Variants in CCDC192 observed in about 807,000 individuals in gnomAD.
CCDC192 encodes the protein coiled-coil domain-containing protein 192.
At chr5:127,794,688 C>A (rs1757063399) in intron 3 of CCDC192, among the ~76,000 whole-genome samples, 1 of 152,006 alleles carries the variant, frequency 6.6e-6, no homozygotes, top group African/African-American at 2.4e-5. Flanking sequence ...CAACTTATTT[C>A]TTTAACAAAT....
chr5:127,938,435 T>C (rs1484044194), intron 6 of CCDC192, among the ~76,000 whole-genome samples: 1 of 152,154 alleles, frequency 6.6e-6, no homozygotes, highest in Non-Finnish European at 1.5e-5. Context: ...CTGTGCAGGT[T>C]AACTAGAGCC....
At chr5:127,703,592 C>T (rs1340395369) in intron 1 of CCDC192, 85 bp downstream of exon 1, 3 of 393,100 alleles carry the variant, frequency 7.6e-6, no homozygotes, top group Non-Finnish European at 1.3e-5. Flanking sequence ...AAAAAAAAAT[C>T]TTTCTTTAAA....
chr5:127,939,493 A>T (rs1394493606), intron 6 of CCDC192, among the ~76,000 whole-genome samples: 1 of 152,122 alleles, frequency 6.6e-6, no homozygotes, highest in South Asian at 2.1e-4. Flanking sequence ...TTCCCCATGG[A>T]TTCTTAAATG....
intron 3 of CCDC192, among the ~76,000 whole-genome samples, chr5:127,792,441 G>T (rs941128325): frequency 1.8e-4 from 27 of 151,962 alleles, no homozygotes; most frequent in Middle Eastern, 6.8e-3. Context: ...CTCCCACAGG[G>T]TGCCTCCAAT....
chr5:127,752,253 T>C (rs528858258), intron 2 of CCDC192, among the ~76,000 whole-genome samples: 3 of 152,286 alleles, frequency 2.0e-5, no homozygotes, highest in Admixed American at 6.5e-5. Flanking sequence ...TTTATCTACT[T>C]TTGGTCTTTG....
chr5:127,791,089 C>A (rs928357688), intron 3 of CCDC192, among the ~76,000 whole-genome samples: 1 of 152,156 alleles, frequency 6.6e-6, no homozygotes, highest in Non-Finnish European at 1.5e-5. Context: ...AGGACTCTGT[C>A]CCCTCCACCT....
At chr5:127,721,340 C>T (rs544375844) in intron 2 of CCDC192, among the ~76,000 whole-genome samples, 34 of 152,180 alleles carry the variant, frequency 2.2e-4, no homozygotes, top group Non-Finnish European at 4.3e-4. Flanking sequence ...TCTACATATT[C>T]CCAGAGCAGA....
At chr5:127,812,357 C>A (rs1285282352) in intron 5 of CCDC192, among the ~76,000 whole-genome samples, 5 of 152,112 alleles carry the variant, frequency 3.3e-5, no homozygotes, top group Non-Finnish European at 7.3e-5. Context: ...GAACCTACCT[C>A]AACAGGATTA....
At chr5:127,909,903 C>T (rs17839667) in intron 6 of CCDC192, among the ~76,000 whole-genome samples, 31,663 of 152,032 alleles carry the variant, frequency 0.21, 3,450 homozygotes, top group East Asian at 0.32. Flanking sequence ...CTTTTATTGC[C>T]TCTTCTATGA....
chr5:127,752,272 G>C (rs559561191), intron 2 of CCDC192, among the ~76,000 whole-genome samples: 1 of 152,188 alleles, frequency 6.6e-6, no homozygotes, highest in African/African-American at 2.4e-5. Flanking sequence ...TGATGATGGT[G>C]ATGTTCAGAT....
Position 127,801,946 on chromosome 5 carries a change from G to A in CCDC192, c.411+3784G>A, listed in dbSNP as rs114598597. Among the ~76,000 whole-genome samples the A allele has an allele frequency of 9.2e-3, 1,408 of 152,272 alleles. 13 individuals carry two copies. The highest frequency in any genetic ancestry group is 0.02 in the Middle Eastern group (6 of 294). On this transcript the variant is annotated intron_variant, in intron 5 of 6. Coordinates refer to ENST00000514853, the MANE Select transcript of CCDC192 (RefSeq NM_001317938.2). ...TAGGTGTTTGCCTTATTTGGGTGTG[G>A]TTGGATCAGTTGGGTGCCTGTGATT... is the stretch of plus-strand genomic sequence containing the variant.
chr5:127,921,848 T>A (rs1753731359), intron 6 of CCDC192, among the ~76,000 whole-genome samples: 1 of 152,170 alleles, frequency 6.6e-6, no homozygotes, highest in Admixed American at 6.5e-5. Flanking sequence ...AGAGTATATC[T>A]TAGAATATAT....
chr5:127,853,204 AC>A (rs1309342771), intron 5 of CCDC192, among the ~76,000 whole-genome samples: 1 of 152,218 alleles, frequency 6.6e-6, no homozygotes, highest in Non-Finnish European at 1.5e-5. Context: ...AGTTTCAGCA[AC>A]TGGACTACCA....
chr5:127,857,069 G>A (rs11952937), intron 5 of CCDC192, among the ~76,000 whole-genome samples: 252 of 152,232 alleles, frequency 1.7e-3, no homozygotes, highest in African/African-American at 5.5e-3. Context: ...ATAAAGTAAA[G>A]CATAATAAAA....
chr5:127,929,865 C>T (rs1029947401), intron 6 of CCDC192, among the ~76,000 whole-genome samples: 10 of 152,162 alleles, frequency 6.6e-5, no homozygotes, highest in Admixed American at 6.5e-5. Context: ...GGAAGAAAAA[C>T]TTGAAAAAGT....
At chr5:127,777,923 G>T (rs189090623) in intron 3 of CCDC192, among the ~76,000 whole-genome samples, 421 of 150,682 alleles carry the variant, frequency 2.8e-3, no homozygotes, top group African/African-American at 0.01. Context: ...AAATTATCCA[G>T]TCTCAGGTAT....
At chr5:127,850,665 G>T (rs1047762447) in intron 5 of CCDC192, among the ~76,000 whole-genome samples, 1 of 152,022 alleles carries the variant, frequency 6.6e-6, no homozygotes, top group Non-Finnish European at 1.5e-5. Context: ...AGCAAATTTC[G>T]GTTTCCAAAG....
chr5:127,779,477 A>G (rs998203207), intron 3 of CCDC192, among the ~76,000 whole-genome samples: 4 of 150,442 alleles, frequency 2.7e-5, no homozygotes, highest in African/African-American at 1.0e-4. Flanking sequence ...TTGTATTTTT[A>G]GTAGAGACGG....
chr5:127,717,928 C>CAAAAAAAAAAAAAAAA, intron 2 of CCDC192, among the ~76,000 whole-genome samples: 30 of 97,948 alleles, frequency 3.1e-4, no homozygotes, highest in Non-Finnish European at 3.7e-4. Context: ...TAAAGCTAGA[C>CAAAAAAAAAAAAAAAA]AAAAAAAAAA....
Sources: allele counts gnomAD v4.1 joint callset (sites outside exome capture counted in the v4.1 genomes callset), GRCh38; gene constraint gnomAD v4.1.1; transcripts MANE v1.5; gene names NCBI Gene and HGNC (gene_info 2026-07-23, HGNC 2026-07-21).